Variants in DPH7 observed in about 807,000 individuals in gnomAD.
The protein encoded by DPH7 is diphthamide biosynthesis 7.
A neutral mutation model predicts 41.7 loss-of-function variants in DPH7; 44 were observed. That is an observed-to-expected ratio of 1.05 (90% confidence interval 0.83 to 1.36). The LOEUF is 1.36. Ranked by LOEUF, DPH7 falls within the 40% of genes most tolerant of loss-of-function variation. DPH7 has a pLI of 0.00. For synonymous variants in DPH7, 275 were observed against 238.0 expected (o/e 1.16, Z -1.43); for missense variants, 629 against 577.5 (o/e 1.09, Z -0.91).
At chr9:137,557,177 T>C (rs765941067) in intron 8 of DPH7, among the ~76,000 whole-genome samples, 7 of 152,206 alleles carry the variant, frequency 4.6e-5, no homozygotes, top group Non-Finnish European at 8.8e-5. Flanking sequence ...GTGCTGTGAC[T>C]GCGAGTGTCA....
intron 5 of DPH7, among the ~76,000 whole-genome samples, chr9:137,569,582 ACC>A (rs1045874194): frequency 3.7e-5 from 3 of 80,324 alleles, no homozygotes; most frequent in Admixed American, 3.4e-4. Flanking sequence ...CCATCCATCC[ACC>A]CCCCGTCTAT....
At chr9:137,558,390 C>A (rs371787725) in intron 8 of DPH7, among the ~76,000 whole-genome samples, 2 of 152,052 alleles carry the variant, frequency 1.3e-5, no homozygotes, top group East Asian at 3.9e-4. Flanking sequence ...GGACACAAGA[C>A]CCTCTCTTTA....
intron 8 of DPH7, among the ~76,000 whole-genome samples, chr9:137,559,425 C>G (rs548312871): frequency 6.6e-6 from 1 of 151,950 alleles, no homozygotes; most frequent in Non-Finnish European, 1.5e-5. Flanking sequence ...TCCCTTTCCC[C>G]GGGGGAGTTT....
In DPH7 at chr9:137,564,963, A is replaced by G; in HGVS notation, c.711-5T>C. On this transcript the variant is annotated splice_region_variant and splice_polypyrimidine_tract_variant and intron_variant, in intron 6 of 8. Coordinates refer to ENST00000277540, the MANE Select transcript of DPH7 (RefSeq NM_138778.5). Reference sequence around the variant, plus strand: ...CTGCACACACCCATGGTGTGTCTGCAAGCAGAGGCGGCTTCTGAACCAGTG... The same window carrying G: ...CTGCACACACCCATGGTGTGTCTGCGAGCAGAGGCGGCTTCTGAACCAGTG... 6.3e-7 allele frequency: 1 copy of G among 1,594,948 alleles called. No homozygotes were observed. The highest frequency in any genetic ancestry group is 8.5e-7 in the Non-Finnish European group (1 of 1,170,542).
At chr9:137,574,160 T>A in intron 5 of DPH7, 48 bp downstream of exon 5, 1 of 1,587,330 alleles carries the variant, frequency 6.3e-7, no homozygotes, top group Non-Finnish European at 8.6e-7. Flanking sequence ...CCTCCGCCCC[T>A]TCCTCAGCAA....
In DPH7 at chr9:137,577,618, G is replaced by T. The variant is rs375656094; in HGVS notation, c.154-15C>A. 4 of 1,611,702 alleles carry T rather than the reference G, an allele frequency of 2.5e-6. No individual in the cohort carries two copies. In the African/African-American group the frequency reaches 4.0e-5, roughly 16 times the overall value. On this transcript the variant is annotated splice_polypyrimidine_tract_variant and intron_variant, in intron 1 of 8. Coordinates refer to ENST00000277540, the MANE Select transcript of DPH7 (RefSeq NM_138778.5). ...TCCATTCCACCCTACAAAAAATGCA[G>T]AGGTAGTCTCTGATTATCCCAAGAC...
chr9:137,555,518 T>C lies in DPH7; in HGVS notation c.1080A>G (p.Leu360=). The change falls in exon 9 of 9, where the codon CTA becomes CTG. Residue 360 remains leucine, a synonymous_variant. Coordinates refer to ENST00000277540, the MANE Select transcript of DPH7 (RefSeq NM_138778.5). ...RAPSWSFPSN[L]GTKTADLKGA... is the part of the protein sequence containing the mutation. ...CCTTCAGGTCTGCCGTCTTGGTTCCTAGGTTGCTAGGAAAGGACCACGAGG... is the reference window on the plus strand; with the variant it reads ...CCTTCAGGTCTGCCGTCTTGGTTCCCAGGTTGCTAGGAAAGGACCACGAGG... 1.2e-6 allele frequency: 2 copies of C among 1,614,090 alleles called. No homozygotes were observed. The highest frequency in any genetic ancestry group is 1.1e-5 in the South Asian group (1 of 91,082).
chr9:137,575,227 G>A (rs1015246829), intron 3 of DPH7: 12 of 1,003,698 alleles, frequency 1.2e-5, no homozygotes, highest in Admixed American at 1.2e-4. Flanking sequence ...TGGAACACTC[G>A]CCTCCCGAGA....
At position 137,578,638 on chromosome 9, in the gene DPH7, C is replaced by T. The variant is rs1841874410; in HGVS notation, c.140G>A (p.Gly47Asp). The change falls in exon 1 of 9, where the codon GGC becomes GAC. Residue 47 changes from glycine (G) to aspartate (D), a missense_variant. By Grantham distance (94) the Gly-to-Asp change is moderately conservative. Coordinates refer to ENST00000277540, the MANE Select transcript of DPH7 (RefSeq NM_138778.5). ...CGGCGCGCGCACCTTGTTCTGGGGG[C>T]CGGCAGGCCGGTCCTCCGGCCGCCG... is the stretch of plus-strand genomic sequence containing the variant. ...QLRRPEDRPA[G>D]PQNKGGMEVK... 3 of 1,485,938 alleles carry T rather than the reference C, an allele frequency of 2.0e-6. No homozygotes were observed. Among genetic ancestry groups the T allele is most frequent in the African/African-American group, 2.9e-5 (2 of 68,754 alleles). 92.0% of individuals were successfully genotyped at this position (1,485,938 alleles called of 1,614,324 possible).
At chr9:137,571,013 C>T (rs987264402) in intron 5 of DPH7, among the ~76,000 whole-genome samples, 5 of 152,028 alleles carry the variant, frequency 3.3e-5, no homozygotes, top group African/African-American at 1.2e-4. Context: ...TGAAAATCAG[C>T]CAGGTGTGGT....
intron 8 of DPH7, among the ~76,000 whole-genome samples, chr9:137,561,591 A>C (rs1838614135): frequency 1.3e-5 from 2 of 150,298 alleles, no homozygotes; most frequent in African/African-American, 2.5e-5. Flanking sequence ...GACTCGCCTC[A>C]GACTCAGGTG....
chr9:137,564,060 CCA>C (rs1188100097), intron 8 of DPH7, among the ~76,000 whole-genome samples: 1 of 152,066 alleles, frequency 6.6e-6, no homozygotes, highest in Non-Finnish European at 1.5e-5. Context: ...GGGCAGCAGA[CCA>C]CAGAGTCCCA....
chr9:137,554,694 C>T lies in DPH7; in HGVS notation c.*545G>A, dbSNP rs995990090. On this transcript the variant is annotated 3_prime_UTR_variant, in exon 9 of 9. Transcript: ENST00000277540. ...GCCTCAAGCAATCCTCCTGCCTCAG[C>T]CCCTTCCAAAGTGCTGGGATTACAG... is the stretch of plus-strand genomic sequence containing the variant. 6.6e-6 allele frequency among the ~76,000 whole-genome samples: 1 copy of T among 152,154 alleles called. No homozygotes were observed. Among genetic ancestry groups the T allele is most frequent in the Non-Finnish European group, 1.5e-5 (1 of 68,030 alleles).
intron 8 of DPH7, among the ~76,000 whole-genome samples, chr9:137,555,915 T>C (rs1414554107): frequency 6.6e-6 from 1 of 152,178 alleles, no homozygotes; most frequent in Non-Finnish European, 1.5e-5. Flanking sequence ...TGGTGAAGAA[T>C]ACGGCAAAAG....
At chr9:137,572,785 A>G (rs1336354231) in intron 5 of DPH7, among the ~76,000 whole-genome samples, 2 of 152,256 alleles carry the variant, frequency 1.3e-5, no homozygotes, top group East Asian at 3.8e-4. Flanking sequence ...AGACCTGGAA[A>G]GGAATCTTAT....
chr9:137,575,213 C>G (rs778852603), intron 3 of DPH7: 5 of 1,009,594 alleles, frequency 5.0e-6, no homozygotes, highest in Non-Finnish European at 5.9e-6. Context: ...GCCTCCAGGG[C>G]CACTGGAACA....
At chr9:137,574,917 C>A in intron 3 of DPH7, 74 bp from the exon 4 acceptor site, 1 of 1,593,992 alleles carries the variant, frequency 6.3e-7, no homozygotes, top group Non-Finnish European at 8.5e-7. Flanking sequence ...TCCTCTCCTG[C>A]AGGGAAGTCA....
rs1252890580 is a variant in DPH7, at chr9:137,554,951, GA to G, written c.*287del. 8.3e-6 allele frequency: 3 copies of G among 362,442 alleles called. No individual in the cohort carries two copies. The highest frequency in any genetic ancestry group is 9.4e-5 in the South Asian group (1 of 10,638). 22.5% of individuals were successfully genotyped at this position (362,442 alleles called of 1,614,324 possible). On this transcript the variant is annotated 3_prime_UTR_variant, in exon 9 of 9. Transcript: ENST00000277540. ...TACAAATAGTTGCTTAAACAAGTATGAAAGGCTGAAAGTCAAAATCTGCCTG... is the reference window on the plus strand; with the variant it reads ...TACAAATAGTTGCTTAAACAAGTATGAAGGCTGAAAGTCAAAATCTGCCTG...
chr9:137,564,494 G>A lies in DPH7; in HGVS notation c.889C>T (p.Leu297=). ...CTGTGCATGCAGGCGGCCAGGAGCA[G>A]GTGGTGGTGGAAAGGGTGCCACTTG... ...RIKWHPFHHH[L]LLAACMHSGF... is the part of the protein sequence containing the mutation. The change falls in exon 8 of 9, where the codon CTG becomes TTG. Residue 297 remains leucine, a synonymous_variant. Transcript: ENST00000277540. 6.2e-7 allele frequency: 1 copy of A among 1,614,148 alleles called. No individual in the cohort carries two copies. The highest frequency in any genetic ancestry group is 8.5e-7 in the Non-Finnish European group (1 of 1,180,010).
Sources: allele counts gnomAD v4.1 joint callset (sites outside exome capture counted in the v4.1 genomes callset), GRCh38; gene constraint gnomAD v4.1.1; transcripts MANE v1.5; gene names NCBI Gene and HGNC (gene_info 2026-07-23, HGNC 2026-07-21).